The following CCDC39 variants were observed in gnomAD, a reference collection of about 807,000 sequenced individuals.
CCDC39 encodes the protein coiled-coil domain 39 molecular ruler complex subunit.
CCDC39 carries 113 observed loss-of-function variants against 121.0 expected under a neutral mutation model. That is an observed-to-expected ratio of 0.93 (90% CI 0.80 to 1.09). CCDC39 has a LOEUF of 1.09. CCDC39 is among the 50% of genes least tolerant of loss of function. The pLI is 0.00. For missense variants in CCDC39, 1,063 were observed against 1,074.7 expected, an observed-to-expected ratio of 0.99 and a Z score of 0.15; for synonymous variants, 349 against 352.2, an observed-to-expected ratio of 0.99 and a Z score of 0.10.
chr3:180,676,127 A>G (rs1712195544), intron 1 of CCDC39, among the ~76,000 whole-genome samples: 2 of 152,226 alleles, frequency 1.3e-5, no homozygotes, highest in Non-Finnish European at 2.9e-5. Flanking sequence ...TGGCAACAAA[A>G]GCCAAAATTG....
At chr3:180,617,248 C>G in intron 16 of CCDC39, 1 of 473,844 alleles carries the variant, frequency 2.1e-6, no homozygotes, top group Non-Finnish European at 3.7e-6. Context: ...CTGGTGTAAA[C>G]AAACCTGCAT....
chr3:180,645,153 T>C (rs963019641), intron 11 of CCDC39, among the ~76,000 whole-genome samples: 1 of 152,198 alleles, frequency 6.6e-6, no homozygotes, highest in Non-Finnish European at 1.5e-5. Context: ...TCATGGGTTA[T>C]TGTGAAGATT....
At chr3:180,621,396 C>G (rs1018643662) in intron 14 of CCDC39, among the ~76,000 whole-genome samples, 5 of 152,074 alleles carry the variant, frequency 3.3e-5, no homozygotes, top group Admixed American at 6.6e-5. Context: ...TATAACCATT[C>G]ATTTTTCTCC....
chr3:180,615,684 G>A (rs1011355138), intron 19 of CCDC39, among the ~76,000 whole-genome samples: 1 of 152,070 alleles, frequency 6.6e-6, no homozygotes. Context: ...AGTAGCTGCT[G>A]AATGCAGGAG....
intron 19 of CCDC39, among the ~76,000 whole-genome samples, chr3:180,615,615 C>CT (rs1314615471): frequency 6.6e-6 from 1 of 151,878 alleles, no homozygotes; most frequent in Non-Finnish European, 1.5e-5. Flanking sequence ...AAATGAAACA[C>CT]TTTTTTTAGG....
intron 11 of CCDC39, among the ~76,000 whole-genome samples, chr3:180,645,830 A>G (rs187934835): frequency 5.3e-5 from 8 of 152,116 alleles, no homozygotes; most frequent in Admixed American, 1.3e-4. Context: ...CAGAGTTGGA[A>G]TGGCATAAGC....
At chr3:180,638,721 A>T (rs1717889072) in intron 13 of CCDC39, among the ~76,000 whole-genome samples, 1 of 152,138 alleles carries the variant, frequency 6.6e-6, no homozygotes, top group African/African-American at 2.4e-5. Flanking sequence ...ATAGAAACTA[A>T]TTTTCAATAT....
intron 13 of CCDC39, among the ~76,000 whole-genome samples, chr3:180,634,934 C>T (rs1011003159): frequency 1.6e-4 from 25 of 152,182 alleles, no homozygotes; most frequent in Admixed American, 7.2e-4. Context: ...TCAGTCTACA[C>T]CACAGTTAAA....
At chr3:180,663,630 A>G (rs939582864) in intron 2 of CCDC39, among the ~76,000 whole-genome samples, 32 of 151,456 alleles carry the variant, frequency 2.1e-4, no homozygotes, top group African/African-American at 7.5e-4. Flanking sequence ...AGATCACGCC[A>G]CTGTACTCCA....
At chr3:180,658,282 TAAA>T (rs111715766) in intron 6 of CCDC39, among the ~76,000 whole-genome samples, 5 of 119,656 alleles carry the variant, frequency 4.2e-5, no homozygotes, top group African/African-American at 6.2e-5. Context: ...AGAACCTCCT[TAAA>T]AAAAAAAAAA....
intron 13 of CCDC39, among the ~76,000 whole-genome samples, chr3:180,638,261 T>C (rs1717877283): frequency 6.6e-6 from 1 of 152,136 alleles, no homozygotes; most frequent in South Asian, 2.1e-4. Context: ...TTCATTAATC[T>C]GTAATCAGAC....
intron 6 of CCDC39, among the ~76,000 whole-genome samples, chr3:180,657,604 A>G (rs1469423859): frequency 6.6e-6 from 1 of 152,192 alleles, no homozygotes; most frequent in African/African-American, 2.4e-5. Context: ...ACAGCTTGCT[A>G]TTGCCACAAG....
chr3:180,672,698 A>G (rs989985616), intron 1 of CCDC39, among the ~76,000 whole-genome samples: 4 of 152,218 alleles, frequency 2.6e-5, no homozygotes, highest in Admixed American at 2.6e-4. Context: ...TGTTAACAGA[A>G]CATTCTGCAG....
At chr3:180,636,251 CAA>C (rs1320551802) in intron 13 of CCDC39, among the ~76,000 whole-genome samples, 2 of 152,164 alleles carry the variant, frequency 1.3e-5, no homozygotes, top group Non-Finnish European at 2.9e-5. Flanking sequence ...ACAACTTCAG[CAA>C]AGTTTCAGGA....
chr3:180,616,387 CATT>C (rs756818346), intron 18 of CCDC39, 24 bp from the exon 19 acceptor site: 3 of 1,590,866 alleles, frequency 1.9e-6, no homozygotes, highest in South Asian at 1.1e-5. Flanking sequence ...CAATAGCAAT[CATT>C]AGTACTACCT....
intron 7 of CCDC39, 137 bp downstream of exon 7, chr3:180,654,625 A>T (rs1711539306): frequency 5.5e-6 from 1 of 180,312 alleles, no homozygotes; most frequent in Non-Finnish European, 1.1e-5. Flanking sequence ...AAGAGACATT[A>T]AAAAAAAAAA....
intron 7 of CCDC39, among the ~76,000 whole-genome samples, chr3:180,653,300 G>A (rs1048705866): frequency 1.3e-5 from 2 of 152,154 alleles, no homozygotes; most frequent in African/African-American, 4.8e-5. Context: ...GCAACTGACT[G>A]ATCAACCTTG....
At chr3:180,651,176 C>G (rs1011795433) in intron 9 of CCDC39, among the ~76,000 whole-genome samples, 6 of 151,158 alleles carry the variant, frequency 4.0e-5, no homozygotes, top group African/African-American at 1.5e-4. Context: ...GCCTGGGCAA[C>G]AAGAGCCAGA....
In CCDC39 at chr3:180,614,283, GAA is replaced by G. The variant is rs1389550515; in HGVS notation, c.*636_*637del. ...CTTTAATGCGTTTATTTCAAGGTCA[GAA>G]GTGATTTATTTCAAGGTCAGAAGTG... On this transcript the variant is annotated 3_prime_UTR_variant, in exon 20 of 20. Coordinates refer to ENST00000476379, the MANE Select transcript of CCDC39 (RefSeq NM_181426.2). 1.4e-5 allele frequency: 2 copies of G among 146,650 alleles called. No individual in the cohort carries two copies. Among genetic ancestry groups the G allele is most frequent in the African/African-American group, 5.1e-5 (2 of 39,164 alleles). 9.1% of individuals were successfully genotyped at this position (146,650 alleles called of 1,614,324 possible). A position where few individuals can be genotyped will look rare whatever the true frequency, so the allele number is the denominator to read the frequency against.
Sources: allele counts gnomAD v4.1 joint callset (sites outside exome capture counted in the v4.1 genomes callset), GRCh38; gene constraint gnomAD v4.1.1; transcripts MANE v1.5; gene names NCBI Gene and HGNC (gene_info 2026-07-23, HGNC 2026-07-21).